Variants in ADAMTSL1 observed in about 807,000 individuals in gnomAD.
ADAMTSL1 encodes the protein ADAMTS like 1.
In ADAMTSL1, 126 loss-of-function variants were observed where a neutral mutation model predicts 201.8. That is an observed-to-expected ratio of 0.62 (90% CI 0.54 to 0.72). The LOEUF (loss-of-function observed/expected upper bound fraction) is 0.72, where lower values mean the gene tolerates loss of function less well. Ranked by LOEUF, ADAMTSL1 falls within the 30% of genes least tolerant of loss-of-function variation. The pLI, the probability that ADAMTSL1 is intolerant of heterozygous loss-of-function variation, is 0.00. For missense variants in ADAMTSL1, 2,679 were observed against 2,277.8 expected, an observed-to-expected ratio of 1.18 and a Z score of -3.59; for synonymous variants, 1,121 against 903.4, an observed-to-expected ratio of 1.24 and a Z score of -4.32.
chr9:17,933,599 C>T (rs1272105847), intron 1 of ADAMTSL1, among the ~76,000 whole-genome samples: 2 of 152,122 alleles, frequency 1.3e-5, no homozygotes, highest in Non-Finnish European at 2.9e-5. Context: ...GTTTAGTTGG[C>T]TCACAGTTCT....
chr9:18,272,197 C>T (rs1434944574), intron 2 of ADAMTSL1, among the ~76,000 whole-genome samples: 2 of 152,160 alleles, frequency 1.3e-5, no homozygotes, highest in Non-Finnish European at 2.9e-5. Flanking sequence ...CACTACCTGA[C>T]TTCAAGCTAT....
chr9:17,961,634 T>C (rs1353728243), intron 1 of ADAMTSL1, among the ~76,000 whole-genome samples: 1 of 152,186 alleles, frequency 6.6e-6, no homozygotes, highest in Non-Finnish European at 1.5e-5. Flanking sequence ...AGTTTTTAAA[T>C]GATTATATTC....
chr9:18,267,967 C>A (rs2132562449), intron 2 of ADAMTSL1, among the ~76,000 whole-genome samples: 1 of 152,090 alleles, frequency 6.6e-6, no homozygotes, highest in Admixed American at 6.6e-5. Flanking sequence ...TTCTCATAAT[C>A]TCATAAGGTA....
At chr9:18,685,670 T>G (rs1206258361) in intron 13 of ADAMTSL1, among the ~76,000 whole-genome samples, 3 of 152,220 alleles carry the variant, frequency 2.0e-5, no homozygotes, top group Admixed American at 2.0e-4. Context: ...ATAAAATGAT[T>G]TCCAAATTTT....
At chr9:17,990,381 C>CCT (rs1413134755) in intron 1 of ADAMTSL1, among the ~76,000 whole-genome samples, 1 of 151,922 alleles carries the variant, frequency 6.6e-6, no homozygotes, top group African/African-American at 2.4e-5. Context: ...TGTTTGGACT[C>CCT]CTTTCATTTT....
intron 26 of ADAMTSL1, among the ~76,000 whole-genome samples, chr9:18,893,362 G>T (rs1829414701): frequency 6.6e-6 from 1 of 152,092 alleles, no homozygotes. Flanking sequence ...GGGACGTATG[G>T]TGCACCAGTG....
At chr9:18,629,730 T>C (rs781562023) in intron 5 of ADAMTSL1, among the ~76,000 whole-genome samples, 1 of 152,144 alleles carries the variant, frequency 6.6e-6, no homozygotes, top group Non-Finnish European at 1.5e-5. Flanking sequence ...GGTGTTAGTA[T>C]TAGCACAAAA....
intron 13 of ADAMTSL1, among the ~76,000 whole-genome samples, chr9:18,687,872 G>A (rs986067852): frequency 6.6e-6 from 1 of 152,158 alleles, no homozygotes; most frequent in Non-Finnish European, 1.5e-5. Context: ...TGTGGTTGCA[G>A]TAAACACCAT....
At chr9:17,944,362 T>C (rs1278964500) in intron 1 of ADAMTSL1, among the ~76,000 whole-genome samples, 3 of 152,050 alleles carry the variant, frequency 2.0e-5, no homozygotes, top group Non-Finnish European at 4.4e-5. Context: ...GTAGGAAGAA[T>C]CAATATCATG....
chr9:18,049,464 G>A (rs1490175589), intron 1 of ADAMTSL1, among the ~76,000 whole-genome samples: 2 of 151,972 alleles, frequency 1.3e-5, no homozygotes, highest in Admixed American at 6.6e-5. Flanking sequence ...TTTGGACATC[G>A]GTATGTCTAG....
rs1441069651 is a variant in ADAMTSL1, at chr9:18,707,017, G to A, written c.1845G>A (p.Gly615=). 1 of 1,613,728 alleles carries A rather than the reference G, an allele frequency of 6.2e-7. No individual in the cohort carries two copies. Among genetic ancestry groups the A allele is most frequent in the African/African-American group, 1.3e-5 (1 of 74,910 alleles). The change falls in exon 14 of 29, where the codon GGG becomes GGA. Residue 615 remains glycine (G), a synonymous_variant. Coordinates refer to ENST00000380548, the MANE Select transcript of ADAMTSL1 (RefSeq NM_001040272.6). The part of the protein sequence containing the change: ...FDELYDWEYE[G]FTKCSESCGG... ...AGCTGTATGACTGGGAGTATGAGGGGTTCACCAAGTGCTCCGAGTCCTGTG... is the reference window on the plus strand; with the variant it reads ...AGCTGTATGACTGGGAGTATGAGGGATTCACCAAGTGCTCCGAGTCCTGTG...
At chr9:18,474,642 A>G (rs1821362560) in intron 1 of ADAMTSL1, among the ~76,000 whole-genome samples, 1 of 152,172 alleles carries the variant, frequency 6.6e-6, no homozygotes, top group Admixed American at 6.5e-5. Flanking sequence ...TCCTGAAATT[A>G]AACTCACTCA....
At chr9:18,659,824 C>G (rs1828951637) in intron 8 of ADAMTSL1, among the ~76,000 whole-genome samples, 1 of 151,926 alleles carries the variant, frequency 6.6e-6, no homozygotes, top group Non-Finnish European at 1.5e-5. Flanking sequence ...CTGTCAATTA[C>G]TTTGATGTTC....
intron 20 of ADAMTSL1, among the ~76,000 whole-genome samples, chr9:18,796,205 C>T (rs1016314678): frequency 6.6e-6 from 1 of 152,100 alleles, no homozygotes; most frequent in Non-Finnish European, 1.5e-5. Context: ...GCCTTTGAAA[C>T]GGAAAGAGAA....
rs150225263 is a variant in ADAMTSL1 at position 18,725,630 on chromosome 9, A to T, written c.2006+3965A>T. Among the ~76,000 whole-genome samples, 5 of 152,310 alleles carry T rather than the reference A, an allele frequency of 3.3e-5. No homozygotes were observed. The East Asian group carries it at 9.6e-4, about 29-fold the overall frequency. ...TAATAAGGAGGTTTTCTGTGTTATA[A>T]TTATACAAGGAATACATGAATATTC... On this transcript the variant is annotated intron_variant, in intron 15 of 28. Transcript: ENST00000380548.
At chr9:18,410,945 G>T (rs1413942366) in intron 2 of ADAMTSL1, among the ~76,000 whole-genome samples, 4 of 150,594 alleles carry the variant, frequency 2.7e-5, no homozygotes, top group African/African-American at 9.7e-5. Context: ...AGGTTCAAGC[G>T]ATTCTCCTGC....
chr9:18,025,153 G>C (rs535681740), intron 1 of ADAMTSL1, among the ~76,000 whole-genome samples: 148 of 152,062 alleles, frequency 9.7e-4, no homozygotes, highest in Non-Finnish European at 1.8e-3. Flanking sequence ...ATGGATCCTG[G>C]CTATTAGACC....
chr9:18,447,750 C>T (rs1156743613), intron 2 of ADAMTSL1, among the ~76,000 whole-genome samples: 5 of 152,194 alleles, frequency 3.3e-5, no homozygotes, highest in Non-Finnish European at 5.9e-5. Context: ...TACCTTCCTC[C>T]GGAGAGTCTC....
chr9:18,766,903 A>C (rs1000116831), intron 16 of ADAMTSL1, among the ~76,000 whole-genome samples: 6 of 152,218 alleles, frequency 3.9e-5, no homozygotes, highest in African/African-American at 1.2e-4. Context: ...AAGCACCAAT[A>C]AAAGGCAAGA....
Sources: allele counts gnomAD v4.1 joint callset (sites outside exome capture counted in the v4.1 genomes callset), GRCh38; gene constraint gnomAD v4.1.1; transcripts MANE v1.5; gene names NCBI Gene and HGNC (gene_info 2026-07-23, HGNC 2026-07-21).